The following GNAO1 variants were observed in gnomAD, a reference collection of about 807,000 sequenced individuals.
The protein encoded by GNAO1 is guanine nucleotide-binding protein G(o) subunit alpha.
For missense variants in GNAO1, 166 were observed against 478.7 expected, an observed-to-expected ratio of 0.35 and a Z score of 6.10; for synonymous variants, 164 against 180.7, an observed-to-expected ratio of 0.91 and a Z score of 0.74.
intron 2 of GNAO1, among the ~76,000 whole-genome samples, chr16:56,217,521 C>T (rs2036446665): frequency 6.6e-6 from 1 of 152,114 alleles, no homozygotes; most frequent in South Asian, 2.1e-4. Context: ...TTATTAGAGT[C>T]AAGTGTTGAC....
At chr16:56,206,604 T>C (rs2036331678) in intron 2 of GNAO1, among the ~76,000 whole-genome samples, 1 of 152,152 alleles carries the variant, frequency 6.6e-6, no homozygotes, top group South Asian at 2.1e-4. Flanking sequence ...GTAATTGCGG[T>C]GATGGTTACA....
intron 2 of GNAO1, among the ~76,000 whole-genome samples, chr16:56,202,827 A>G (rs2036292493): frequency 6.6e-6 from 1 of 152,218 alleles, no homozygotes; most frequent in Non-Finnish European, 1.5e-5. Flanking sequence ...TTATTCATTT[A>G]TCTAATATTT....
At chr16:56,324,699 C>G (rs535296403) in intron 3 of GNAO1, among the ~76,000 whole-genome samples, 30 of 152,360 alleles carry the variant, frequency 2.0e-4, no homozygotes, top group Non-Finnish European at 3.7e-4. Flanking sequence ...GCCAGGGGGG[C>G]CCGGACAGCC....
At chr16:56,253,522 G>A (rs2036818425) in intron 2 of GNAO1, among the ~76,000 whole-genome samples, 1 of 152,240 alleles carries the variant, frequency 6.6e-6, no homozygotes, top group South Asian at 2.1e-4. Context: ...CCAGAGGTGT[G>A]TTTGAGTGAA....
At chr16:56,211,730 A>G (rs2036390536) in intron 2 of GNAO1, among the ~76,000 whole-genome samples, 1 of 152,198 alleles carries the variant, frequency 6.6e-6, no homozygotes, top group African/African-American at 2.4e-5. Flanking sequence ...ACAGTGGCCT[A>G]GAGAGAATTT....
chr16:56,233,344 G>A (rs1188540054), intron 2 of GNAO1, among the ~76,000 whole-genome samples: 2 of 152,202 alleles, frequency 1.3e-5, no homozygotes, highest in African/African-American at 4.8e-5. Flanking sequence ...GTAAAGTTTG[G>A]TTGGATGAAT....
At chr16:56,315,977 T>C (rs1284718796) in intron 3 of GNAO1, among the ~76,000 whole-genome samples, 1 of 151,902 alleles carries the variant, frequency 6.6e-6, no homozygotes, top group Non-Finnish European at 1.5e-5. Flanking sequence ...GAGAATTGCT[T>C]GAACCCGGGA....
At position 56,287,966 on chromosome 16, in the gene GNAO1, G is replaced by A. The variant is rs16956269; in HGVS notation, c.303+11894G>A. ...AGACCGTGCACCAGTGTCCAGTGTC[G>A]ATGGTGCACTCAGCATAGCATCTGC... On this transcript the variant is annotated intron_variant, in intron 3 of 8. Coordinates refer to ENST00000262493, the MANE Select transcript of GNAO1 (RefSeq NM_020988.3). Among the ~76,000 whole-genome samples, 931 of 152,334 alleles carry A rather than the reference G, an allele frequency of 6.1e-3. 3 individuals are homozygous for A. Among genetic ancestry groups the A allele is most frequent in the Non-Finnish European group, 9.6e-3 (656 of 68,036 alleles).
chr16:56,273,001 C>T (rs1470366572), intron 2 of GNAO1, among the ~76,000 whole-genome samples: 2 of 152,190 alleles, frequency 1.3e-5, no homozygotes, highest in Non-Finnish European at 2.9e-5. Context: ...ATCTAGGTAC[C>T]AGTTGCCTTT....
intron 2 of GNAO1, among the ~76,000 whole-genome samples, chr16:56,207,080 T>G (rs969519908): frequency 6.6e-5 from 10 of 152,248 alleles, no homozygotes; most frequent in African/African-American, 2.4e-4. Context: ...TGCAAGCAAT[T>G]CATGATCTCC....
intron 2 of GNAO1, among the ~76,000 whole-genome samples, chr16:56,195,259 G>A (rs1283863073): frequency 6.6e-6 from 1 of 152,080 alleles, no homozygotes; most frequent in Non-Finnish European, 1.5e-5. Flanking sequence ...TTGCCACAAG[G>A]GACCCTGGCG....
At chr16:56,324,314 T>A (rs1335173023) in intron 3 of GNAO1, among the ~76,000 whole-genome samples, 1 of 152,166 alleles carries the variant, frequency 6.6e-6, no homozygotes, top group African/African-American at 2.4e-5. Flanking sequence ...TAGCGTGTGA[T>A]CCTCAGGTCC....
chr16:56,238,710 A>C (rs2036665401), intron 2 of GNAO1, among the ~76,000 whole-genome samples: 1 of 152,238 alleles, frequency 6.6e-6, no homozygotes, highest in Non-Finnish European at 1.5e-5. Flanking sequence ...CTTCCCACAC[A>C]CGCATTTTTT....
At chr16:56,344,784 A>C in intron 6 of GNAO1, 1 of 985,372 alleles carries the variant, frequency 1.0e-6, no homozygotes, top group Non-Finnish European at 1.2e-6. Flanking sequence ...TCGGATGGTC[A>C]CTCTGAGGTG....
In GNAO1 at chr16:56,351,072, G is replaced by A. The variant is rs2037916948; in HGVS notation, c.724-312G>A. Among the ~76,000 whole-genome samples the A allele has an allele frequency of 6.6e-6, 1 of 152,184 alleles. No homozygotes were observed. The highest frequency in any genetic ancestry group is 6.5e-5 in the Admixed American group (1 of 15,286). On this transcript the variant is annotated intron_variant, in intron 6 of 8. Transcript: ENST00000262493. This position sits in a 1 kb window ranked among gnomAD's most constrained non-coding sequence, Gnocchi z 6.1. Reference sequence around the variant, plus strand: ...CACACAGCCACACACACGTGTGCTGGGAGACCCTCACATAGCTGGGAACTC... The same window carrying A: ...CACACAGCCACACACACGTGTGCTGAGAGACCCTCACATAGCTGGGAACTC...
chr16:56,331,683 C>A (rs1237843721), intron 4 of GNAO1, among the ~76,000 whole-genome samples: 1 of 152,222 alleles, frequency 6.6e-6, no homozygotes, highest in Non-Finnish European at 1.5e-5. Flanking sequence ...TGTATCCCGT[C>A]CCCAAGCTCC....
rs535464721 is a variant in GNAO1, at chr16:56,322,439, G to A, written c.304-6192G>A. On this transcript the variant is annotated intron_variant, in intron 3 of 8. Coordinates refer to ENST00000262493, the MANE Select transcript of GNAO1 (RefSeq NM_020988.3). ...TGGATGGGAAATTCAGGCTCAGCCT[G>A]AGCCCCGTCCCCCAGACCCCTAAAA... Among the ~76,000 whole-genome samples the A allele has an allele frequency of 5.9e-5, 9 of 152,318 alleles. No individual in the cohort carries two copies. In the South Asian group the frequency reaches 1.4e-3, roughly 25 times the overall value.
intron 2 of GNAO1, among the ~76,000 whole-genome samples, chr16:56,274,874 C>T (rs920245085): frequency 2.6e-5 from 4 of 152,060 alleles, no homozygotes; most frequent in African/African-American, 9.7e-5. Flanking sequence ...TACTAAAAAC[C>T]ATTGAATTGT....
chr16:56,254,003 G>A (rs1185261587), intron 2 of GNAO1, among the ~76,000 whole-genome samples: 1 of 151,306 alleles, frequency 6.6e-6, no homozygotes, highest in African/African-American at 2.4e-5. Context: ...CTTCAAATCT[G>A]GTTTTATGCC....
Sources: allele counts gnomAD v4.1 joint callset (sites outside exome capture counted in the v4.1 genomes callset), GRCh38; gene constraint gnomAD v4.1.1; non-coding constraint Gnocchi (gnomAD v3.1); transcripts MANE v1.5; gene names NCBI Gene and HGNC (gene_info 2026-07-23, HGNC 2026-07-21).